EXOC6B: variants seen among roughly 807,000 people sequenced by gnomAD.
EXOC6B encodes the protein exocyst complex component 6B, also known as SEC15 homolog B.
Under a neutral mutation model 113.5 loss-of-function variants are expected in EXOC6B, and 54 were observed. The observed-to-expected ratio is 0.48, with a 90% CI of 0.38 to 0.60. The LOEUF is 0.60. Ranked by LOEUF, EXOC6B falls within the 20% of genes least tolerant of loss-of-function variation. The pLI is 0.00. For missense variants in EXOC6B, 797 were observed against 977.5 expected, an observed-to-expected ratio of 0.82 and a Z score of 2.46; for synonymous variants, 357 against 339.0, an observed-to-expected ratio of 1.05 and a Z score of -0.58.
intron 18 of EXOC6B, among the ~76,000 whole-genome samples, chr2:72,458,663 A>G (rs1013615913): frequency 1.3e-5 from 2 of 152,164 alleles, no homozygotes; most frequent in Non-Finnish European, 2.9e-5. Context: ...ACGACAGTTT[A>G]GAATAAACAA....
At chr2:72,469,491 T>A (rs1004449876) in intron 17 of EXOC6B, among the ~76,000 whole-genome samples, 1 of 152,146 alleles carries the variant, frequency 6.6e-6, no homozygotes, top group Non-Finnish European at 1.5e-5. Flanking sequence ...TATAATAAGT[T>A]GTATTTTAAT....
chr2:72,526,525 T>G (rs1397233555), intron 8 of EXOC6B, among the ~76,000 whole-genome samples: 1 of 151,956 alleles, frequency 6.6e-6, no homozygotes, highest in Non-Finnish European at 1.5e-5. Flanking sequence ...AAAATCACAT[T>G]TGCTACACAT....
chr2:72,376,747 AT>A (rs1438345309), intron 19 of EXOC6B, among the ~76,000 whole-genome samples: 1 of 152,106 alleles, frequency 6.6e-6, no homozygotes, highest in Non-Finnish European at 1.5e-5. Context: ...TCTATTGTCT[AT>A]CTTTTCTTCT....
intron 6 of EXOC6B, among the ~76,000 whole-genome samples, chr2:72,640,728 A>G (rs141421300): frequency 6.6e-6 from 1 of 152,334 alleles, no homozygotes; most frequent in East Asian, 1.9e-4. Context: ...CCCAATATTG[A>G]ATGTTGAATG....
At chr2:72,401,566 CAT>C (rs1383620831) in intron 18 of EXOC6B, among the ~76,000 whole-genome samples, 2,770 of 14,816 alleles carry the variant, frequency 0.19, 378 homozygotes, top group Admixed American at 0.24. Flanking sequence ...TATATATATA[CAT>C]ATATATATAT....
At chr2:72,608,941 T>C (rs1169876166) in intron 6 of EXOC6B, among the ~76,000 whole-genome samples, 1 of 152,118 alleles carries the variant, frequency 6.6e-6, no homozygotes, top group African/African-American at 2.4e-5. Flanking sequence ...AGGAACATTA[T>C]TGTAACCAAG....
At chr2:72,348,020 C>T (rs1011171128) in intron 19 of EXOC6B, among the ~76,000 whole-genome samples, 3 of 152,068 alleles carry the variant, frequency 2.0e-5, no homozygotes, top group African/African-American at 4.8e-5. Flanking sequence ...TAGTAAAATA[C>T]CATACATTGG....
At chr2:72,801,069 G>A (rs913308073) in intron 1 of EXOC6B, among the ~76,000 whole-genome samples, 1 of 152,140 alleles carries the variant, frequency 6.6e-6, no homozygotes, top group African/African-American at 2.4e-5. Context: ...ATTTGGGCTT[G>A]GTAGAACTGT....
intron 18 of EXOC6B, among the ~76,000 whole-genome samples, chr2:72,428,979 A>G (rs1270256166): frequency 2.0e-5 from 3 of 152,216 alleles, no homozygotes; most frequent in African/African-American, 4.8e-5. Context: ...GAAAGATCAA[A>G]TAGACCTTTT....
At chr2:72,598,958 T>A (rs1007409073) in intron 6 of EXOC6B, among the ~76,000 whole-genome samples, 2 of 152,102 alleles carry the variant, frequency 1.3e-5, no homozygotes, top group Admixed American at 1.3e-4. Context: ...GGTTAGCTGG[T>A]GAACTCTACC....
chr2:72,334,870 C>A, intron 20 of EXOC6B, 77 bp downstream of exon 20: 2 of 1,392,122 alleles, frequency 1.4e-6, no homozygotes, highest in East Asian at 2.3e-5. Context: ...CCCTCCCTTC[C>A]CCTTTTCCTT....
chr2:72,641,038 C>A (rs1051246483), intron 6 of EXOC6B, among the ~76,000 whole-genome samples: 7 of 152,170 alleles, frequency 4.6e-5, no homozygotes, highest in African/African-American at 1.7e-4. Flanking sequence ...CTTTAACATC[C>A]CGCTGACAAT....
At chr2:72,365,762 G>C (rs1301981306) in intron 19 of EXOC6B, among the ~76,000 whole-genome samples, 1 of 152,090 alleles carries the variant, frequency 6.6e-6, no homozygotes, top group South Asian at 2.1e-4. Flanking sequence ...AAAAGGAAAA[G>C]AATCTGTGAA....
chr2:72,499,813 C>G, intron 12 of EXOC6B, 88 bp downstream of exon 12: 1 of 890,668 alleles, frequency 1.1e-6, no homozygotes, highest in South Asian at 1.6e-5. Flanking sequence ...TGATTACAGG[C>G]AAAAGCCACC....
chr2:72,522,940 A>G (rs1701570076), intron 8 of EXOC6B, among the ~76,000 whole-genome samples: 1 of 152,194 alleles, frequency 6.6e-6, no homozygotes, highest in East Asian at 1.9e-4. Flanking sequence ...CTTCCAACAC[A>G]TTGCTACAAA....
intron 8 of EXOC6B, 71 bp from the exon 9 acceptor site, chr2:72,515,197 AAGGTCCCAGGTCTGGAATTTGAGGT>A: frequency 7.2e-7 from 1 of 1,395,504 alleles, no homozygotes; most frequent in South Asian, 1.2e-5. Context: ...GGGAAAAGAG[AAGGTCCCAGGTCTGGAATTTGAGGT>A]AGTATCACAT....
At chr2:72,728,668 T>A (rs1680457151) in intron 5 of EXOC6B, among the ~76,000 whole-genome samples, 1 of 152,142 alleles carries the variant, frequency 6.6e-6, no homozygotes, top group Non-Finnish European at 1.5e-5. Flanking sequence ...ATAAGAGAAC[T>A]CTGGAGCAAA....
chr2:72,473,070 T>C (rs2105454894), intron 17 of EXOC6B, among the ~76,000 whole-genome samples: 1 of 152,252 alleles, frequency 6.6e-6, no homozygotes, highest in Non-Finnish European at 1.5e-5. Flanking sequence ...TTTCAAAAAT[T>C]TGTTGAGATT....
At chr2:72,211,328 T>C (rs1183491572) in intron 20 of EXOC6B, among the ~76,000 whole-genome samples, 5 of 152,184 alleles carry the variant, frequency 3.3e-5, no homozygotes, top group Non-Finnish European at 7.3e-5. Flanking sequence ...TAATAAATGT[T>C]CCATATTCTC....
Sources: allele counts gnomAD v4.1 joint callset (sites outside exome capture counted in the v4.1 genomes callset), GRCh38; gene constraint gnomAD v4.1.1; transcripts MANE v1.5; gene names NCBI Gene and HGNC (gene_info 2026-07-23, HGNC 2026-07-21).